The following SLC35F3 variants were observed in gnomAD, a reference collection of about 807,000 sequenced individuals.
SLC35F3 encodes the protein putative thiamine transporter SLC35F3.
A neutral mutation model predicts 49.9 loss-of-function variants in SLC35F3; 25 were observed. The ratio of observed to expected loss-of-function variants is 0.50; its 90% CI spans 0.37 to 0.70. The LOEUF is 0.70. Among genes scored for constraint, SLC35F3 ranks in the 30% least tolerant of loss-of-function variants. The pLI is 0.00. For synonymous variants in SLC35F3, 275 were observed against 265.4 expected (o/e 1.04, Z -0.35); for missense variants, 525 against 639.8 (o/e 0.82, Z 1.94).
chr1:234,018,431 CT>C (rs1285475328), intron 2 of SLC35F3, among the ~76,000 whole-genome samples: 11 of 152,280 alleles, frequency 7.2e-5, no homozygotes, highest in African/African-American at 2.6e-4. Context: ...CCCGATTTCT[CT>C]TTGCTGATTG....
At position 234,320,074 on chromosome 1, in the gene SLC35F3, C is replaced by G. The variant is rs370569228; in HGVS notation, c.1148-24C>G. ...GTACACAGCAGTCATGAATAACACTCGTTGTTTACATTCTTTATTTCAGCA... is the reference window on the plus strand; with the variant it reads ...GTACACAGCAGTCATGAATAACACTGGTTGTTTACATTCTTTATTTCAGCA... On this transcript the variant is annotated intron_variant, in intron 6 of 7. Coordinates refer to ENST00000366618, the MANE Select transcript of SLC35F3 (RefSeq NM_173508.4). The surrounding 1 kb of genome is among the most constrained non-coding windows in gnomAD (Gnocchi z 4.8). 137 of 1,515,568 alleles carry G rather than the reference C, an allele frequency of 9.0e-5. No homozygotes were observed. Among genetic ancestry groups the G allele is most frequent in the Non-Finnish European group, 1.1e-4 (120 of 1,090,438 alleles). 93.9% of individuals were successfully genotyped at this position (1,515,568 alleles called of 1,614,324 possible).
At chr1:234,091,475 G>A (rs940038196) in intron 2 of SLC35F3, among the ~76,000 whole-genome samples, 5 of 152,306 alleles carry the variant, frequency 3.3e-5, no homozygotes, top group South Asian at 4.1e-4. Flanking sequence ...ATTACAAAGT[G>A]CTCACTTCTC....
chr1:234,122,338 T>C (rs1226052239), intron 2 of SLC35F3, among the ~76,000 whole-genome samples: 1 of 152,258 alleles, frequency 6.6e-6, no homozygotes, highest in Non-Finnish European at 1.5e-5. Flanking sequence ...ATCTGTGTCT[T>C]CCACAACATG....
At chr1:234,124,203 G>C (rs993052704) in intron 2 of SLC35F3, among the ~76,000 whole-genome samples, 5 of 152,208 alleles carry the variant, frequency 3.3e-5, no homozygotes, top group African/African-American at 1.2e-4. Context: ...ACCACCCAAA[G>C]AGCAGTGCTC....
chr1:233,954,871 T>G (rs1388707371), intron 2 of SLC35F3, among the ~76,000 whole-genome samples: 3 of 152,016 alleles, frequency 2.0e-5, no homozygotes, highest in African/African-American at 2.4e-5. Flanking sequence ...TGAGATGGAG[T>G]CTCACTCTGT....
At chr1:234,213,041 G>A (rs966165495) in intron 2 of SLC35F3, 4 of 152,162 alleles carry the variant, frequency 2.6e-5, no homozygotes, top group African/African-American at 9.7e-5. Flanking sequence ...CATTACAGCT[G>A]TTCAAGAGGG....
intron 2 of SLC35F3, among the ~76,000 whole-genome samples, chr1:234,159,681 C>T (rs1217600150): frequency 6.6e-6 from 1 of 152,212 alleles, no homozygotes; most frequent in Non-Finnish European, 1.5e-5. Flanking sequence ...TTTGGTCACC[C>T]TCTTTGTAAT....
chr1:234,088,202 T>C (rs959721943), intron 2 of SLC35F3, among the ~76,000 whole-genome samples: 4 of 152,304 alleles, frequency 2.6e-5, no homozygotes. Flanking sequence ...TCTGTTGTTT[T>C]GTTTTGATAC....
At chr1:233,922,156 C>T (rs920347256) in intron 2 of SLC35F3, among the ~76,000 whole-genome samples, 35 of 152,076 alleles carry the variant, frequency 2.3e-4, no homozygotes, top group African/African-American at 8.5e-4. Context: ...GGGTATATAC[C>T]CAGTAATGGG....
intron 2 of SLC35F3, among the ~76,000 whole-genome samples, chr1:233,966,878 C>A (rs1172688068): frequency 6.6e-6 from 1 of 152,160 alleles, no homozygotes; most frequent in African/African-American, 2.4e-5. Flanking sequence ...AGCATCAGTG[C>A]TGGCCCTGAA....
intron 2 of SLC35F3, among the ~76,000 whole-genome samples, chr1:234,143,989 T>A (rs1195816027): frequency 6.6e-6 from 1 of 152,054 alleles, no homozygotes; most frequent in Admixed American, 6.5e-5. Context: ...AGCAGCTCAG[T>A]CTAAGGTAGC....
At chr1:234,209,286 A>G (rs1178914149) in intron 2 of SLC35F3, among the ~76,000 whole-genome samples, 3 of 151,790 alleles carry the variant, frequency 2.0e-5, no homozygotes, top group Non-Finnish European at 4.4e-5. Flanking sequence ...GTGAGATTTG[A>G]GTTTTTAAGT....
intron 3 of SLC35F3, among the ~76,000 whole-genome samples, chr1:234,259,062 C>T (rs1309431943): frequency 6.6e-6 from 1 of 152,184 alleles, no homozygotes; most frequent in Non-Finnish European, 1.5e-5. Context: ...TGGTTGAGAG[C>T]AGTGGGAATA....
chr1:234,199,820 A>G (rs1245758851), intron 2 of SLC35F3, among the ~76,000 whole-genome samples: 1 of 152,252 alleles, frequency 6.6e-6, no homozygotes, highest in Non-Finnish European at 1.5e-5. Flanking sequence ...CCAATTAAAA[A>G]ACGGGCAAAG....
intron 2 of SLC35F3, among the ~76,000 whole-genome samples, chr1:234,018,376 A>G (rs1663837598): frequency 6.6e-6 from 1 of 152,200 alleles, no homozygotes; most frequent in Non-Finnish European, 1.5e-5. Flanking sequence ...GCTCTGAGGA[A>G]TGTACAGCCA....
At chr1:234,131,984 G>A (rs1239254494) in intron 2 of SLC35F3, among the ~76,000 whole-genome samples, 2 of 152,164 alleles carry the variant, frequency 1.3e-5, no homozygotes, top group Non-Finnish European at 2.9e-5. Context: ...TGGAGGAGAG[G>A]CTGTGCAGTT....
chr1:234,165,467 A>C (rs1166965696), intron 2 of SLC35F3, among the ~76,000 whole-genome samples: 4 of 152,226 alleles, frequency 2.6e-5, no homozygotes, highest in Non-Finnish European at 5.9e-5. Context: ...AAAAGAATTC[A>C]ACATGAACAA....
chr1:234,231,442 G>T lies in SLC35F3; in HGVS notation c.309G>T (p.Pro103=). ...GGGAGGAGCGCCCCCGGGACTCCCCGGGCCCGGCGGAGGCCCAGGCACCGG... is the reference window on the plus strand; with the variant it reads ...GGGAGGAGCGCCCCCGGGACTCCCCTGGCCCGGCGGAGGCCCAGGCACCGG... The part of the protein sequence containing the change: ...CKREERPRDS[P]GPAEAQAPAG... Residue 103 remains proline (P), a synonymous_variant, in exon 3 of 8, where the codon CCG becomes CCT. Transcript: ENST00000366618. This position sits in a 1 kb window ranked among gnomAD's most constrained non-coding sequence, Gnocchi z 5.4. The T allele has an allele frequency of 6.3e-7, 1 of 1,598,916 alleles. No homozygotes were observed. Among genetic ancestry groups the T allele is most frequent in the Non-Finnish European group, 8.5e-7 (1 of 1,173,022 alleles).
intron 2 of SLC35F3, among the ~76,000 whole-genome samples, chr1:234,167,182 C>T (rs1002601588): frequency 1.3e-5 from 2 of 152,244 alleles, no homozygotes; most frequent in African/African-American, 4.8e-5. Context: ...CCCTCACACC[C>T]TCTCAGCTGT....
Sources: allele counts gnomAD v4.1 joint callset (sites outside exome capture counted in the v4.1 genomes callset), GRCh38; gene constraint gnomAD v4.1.1; non-coding constraint Gnocchi (gnomAD v3.1); transcripts MANE v1.5; gene names NCBI Gene and HGNC (gene_info 2026-07-23, HGNC 2026-07-21).